Variants in MGAT4C observed in about 807,000 individuals in gnomAD.
MGAT4C encodes MGAT4 family member C, also known as alpha-1,3-mannosyl-glycoprotein 4-beta-N-acetylglucosaminyltransferase C.
MGAT4C carries 19 observed loss-of-function variants against 40.1 expected under a neutral mutation model. The ratio of observed to expected loss-of-function variants is 0.47; its 90% CI spans 0.33 to 0.70. The LOEUF is 0.70. Among genes scored for constraint, MGAT4C ranks in the 30% least tolerant of loss-of-function variants. MGAT4C has a pLI of 0.02. For missense variants in MGAT4C, 491 were observed against 563.2 expected (o/e 0.87, Z 1.30); for synonymous variants, 181 against 187.1 (o/e 0.97, Z 0.27).
intron 1 of MGAT4C, among the ~76,000 whole-genome samples, chr12:86,170,159 CAG>C (rs968706581): frequency 6.6e-5 from 10 of 152,266 alleles, no homozygotes; most frequent in African/African-American, 2.4e-4. Context: ...CTTATATGAA[CAG>C]AGTTTTTGAA....
intron 1 of MGAT4C, among the ~76,000 whole-genome samples, chr12:86,807,241 A>T (rs1482585058): frequency 6.6e-6 from 1 of 151,630 alleles, no homozygotes; most frequent in Non-Finnish European, 1.5e-5. Flanking sequence ...TAAGCTCAAC[A>T]TGCATTAGCT....
chr12:86,547,340 C>T (rs1458795183), intron 2 of MGAT4C, among the ~76,000 whole-genome samples: 2 of 151,822 alleles, frequency 1.3e-5, no homozygotes, highest in African/African-American at 4.8e-5. Context: ...CCTTTTGCTC[C>T]TCCTTCTCTT....
intron 2 of MGAT4C, among the ~76,000 whole-genome samples, chr12:86,682,008 C>G (rs1353808339): frequency 1.3e-5 from 2 of 151,926 alleles, no homozygotes; most frequent in African/African-American, 4.8e-5. Flanking sequence ...ACAGCATGCA[C>G]AAAATGGCCA....
At chr12:86,524,689 T>C (rs1478554073) in intron 2 of MGAT4C, among the ~76,000 whole-genome samples, 1 of 152,192 alleles carries the variant, frequency 6.6e-6, no homozygotes, top group Non-Finnish European at 1.5e-5. Context: ...TCTCCCCTTC[T>C]TTTTCAGGGA....
chr12:86,295,221 G>A (rs12304593), intron 4 of MGAT4C, among the ~76,000 whole-genome samples: 1 of 152,054 alleles, frequency 6.6e-6, no homozygotes, highest in Non-Finnish European at 1.5e-5. Flanking sequence ...TGGACATTTT[G>A]TTCTAGCCTT....
At chr12:86,348,341 T>A (rs556262727) in intron 3 of MGAT4C, among the ~76,000 whole-genome samples, 53 of 152,288 alleles carry the variant, frequency 3.5e-4, no homozygotes, top group Non-Finnish European at 7.4e-4. Context: ...TAAGATATTC[T>A]TAGAATCCAC....
chr12:86,647,664 C>T (rs901257195), intron 2 of MGAT4C, among the ~76,000 whole-genome samples: 1 of 151,824 alleles, frequency 6.6e-6, no homozygotes, highest in Non-Finnish European at 1.5e-5. Context: ...TGGCTTACTG[C>T]CCCCATCTGA....
In MGAT4C at chr12:85,959,960, T is replaced by G. The variant is rs1883022333; in HGVS notation, c.*19329A>C. On this transcript the variant is annotated 3_prime_UTR_variant, in exon 5 of 5. Transcript: ENST00000611864. ...TTACTCCTCTGTAGAACTGTGAAGA[T>G]AATATCCTATTCTCCTTTTCTTATG... The G allele has an allele frequency of 6.6e-6, 1 of 152,040 alleles. No homozygotes were observed. The highest frequency in any genetic ancestry group is 1.5e-5 in the Non-Finnish European group (1 of 67,952). 9.4% of individuals were successfully genotyped at this position (152,040 alleles called of 1,614,324 possible).
At chr12:86,152,787 C>T (rs1422876017) in intron 1 of MGAT4C, among the ~76,000 whole-genome samples, 1 of 152,170 alleles carries the variant, frequency 6.6e-6, no homozygotes, top group East Asian at 1.9e-4. Context: ...TCCTTGTTAA[C>T]ACATATGCAT....
At chr12:86,731,138 A>G (rs1251799815) in intron 1 of MGAT4C, among the ~76,000 whole-genome samples, 1 of 152,112 alleles carries the variant, frequency 6.6e-6, no homozygotes, top group Admixed American at 6.6e-5. Context: ...AAGAAATTTT[A>G]AGCCTCTTAT....
At chr12:86,062,077 TG>T (rs1894039114) in intron 1 of MGAT4C, among the ~76,000 whole-genome samples, 1 of 152,132 alleles carries the variant, frequency 6.6e-6, no homozygotes, top group Admixed American at 6.5e-5. Context: ...GTATCCTGAC[TG>T]GGAGACACCA....
chr12:86,272,608 T>C (rs1952977637), intron 4 of MGAT4C, among the ~76,000 whole-genome samples: 3 of 152,078 alleles, frequency 2.0e-5, no homozygotes, highest in African/African-American at 7.2e-5. Context: ...TCCAGTACTT[T>C]GGGAGGCTGA....
At chr12:86,129,955 C>T (rs1181963969) in intron 1 of MGAT4C, among the ~76,000 whole-genome samples, 1 of 152,188 alleles carries the variant, frequency 6.6e-6, no homozygotes, top group Admixed American at 6.5e-5. Context: ...ATGCCTGAGA[C>T]ACTCTGGAAT....
intron 2 of MGAT4C, among the ~76,000 whole-genome samples, chr12:86,625,834 TAGAAA>T (rs1431816042): frequency 1.3e-5 from 2 of 151,846 alleles, no homozygotes; most frequent in East Asian, 3.9e-4. Flanking sequence ...TGGATAAAAA[TAGAAA>T]AGAAATCAGA....
chr12:86,278,178 CTTTTTTTTT>C (rs57981698), intron 4 of MGAT4C, among the ~76,000 whole-genome samples: 1 of 99,938 alleles, frequency 1.0e-5, no homozygotes, highest in African/African-American at 3.8e-5. Flanking sequence ...TGTTGACTTC[CTTTTTTTTT>C]TTTTTTTTTA....
chr12:86,345,857 T>A (rs1955020240), intron 3 of MGAT4C, among the ~76,000 whole-genome samples: 1 of 152,224 alleles, frequency 6.6e-6, no homozygotes, highest in African/African-American at 2.4e-5. Flanking sequence ...TGAACTAGTT[T>A]AAAGTCCCAC....
At chr12:86,157,295 C>T (rs1196360505) in intron 1 of MGAT4C, among the ~76,000 whole-genome samples, 1 of 151,808 alleles carries the variant, frequency 6.6e-6, no homozygotes, top group Non-Finnish European at 1.5e-5. Flanking sequence ...GACCATCGGT[C>T]GATCCTGAAT....
At chr12:86,508,765 A>G (rs1958518446) in intron 2 of MGAT4C, among the ~76,000 whole-genome samples, 1 of 148,416 alleles carries the variant, frequency 6.7e-6, no homozygotes, top group South Asian at 2.2e-4. Flanking sequence ...CTGGTGTGAG[A>G]TGGTATCTCA....
At chr12:86,637,629 G>C (rs1963259757) in intron 2 of MGAT4C, among the ~76,000 whole-genome samples, 1 of 151,750 alleles carries the variant, frequency 6.6e-6, no homozygotes, top group South Asian at 2.1e-4. Context: ...AAATATGCTA[G>C]GTATAACTTG....
Sources: gnomAD v4.1 joint callset for allele counts (sites outside exome capture counted in the v4.1 genomes callset) on GRCh38, gnomAD v4.1.1 for gene constraint, MANE v1.5 for transcripts, NCBI Gene and HGNC (gene_info 2026-07-23, HGNC 2026-07-21) for gene names.